The following PARD3B variants were observed in gnomAD, a reference collection of about 807,000 sequenced individuals.
The protein encoded by PARD3B is par-3 family cell polarity regulator beta.
A neutral mutation model predicts 130.2 loss-of-function variants in PARD3B; 103 were observed. That is an observed-to-expected ratio of 0.79 (90% CI 0.67 to 0.93). The LOEUF is 0.93. Among genes scored for constraint, PARD3B ranks in the 40% least tolerant of loss-of-function variants. The pLI, the probability that PARD3B is intolerant of heterozygous loss-of-function variation, is 0.00. For synonymous variants in PARD3B, 583 were observed against 553.2 expected (o/e 1.05, Z -0.76); for missense variants, 1,609 against 1,499.2 (o/e 1.07, Z -1.21).
At chr2:205,226,431 G>A (rs570068294) in intron 15 of PARD3B, among the ~76,000 whole-genome samples, 77 of 152,302 alleles carry the variant, frequency 5.1e-4, no homozygotes, top group Middle Eastern at 3.4e-3. Context: ...AATCGTTGCC[G>A]AGTCTAATGT....
intron 1 of PARD3B, among the ~76,000 whole-genome samples, chr2:204,615,114 T>A (rs2034063521): frequency 6.6e-6 from 1 of 152,200 alleles, no homozygotes; most frequent in Non-Finnish European, 1.5e-5. Flanking sequence ...AATCTTTTTT[T>A]AATATGTTAT....
intron 3 of PARD3B, among the ~76,000 whole-genome samples, chr2:205,007,953 T>C (rs1248781374): frequency 6.6e-6 from 1 of 152,160 alleles, no homozygotes; most frequent in African/African-American, 2.4e-5. Context: ...TTTGGAGCTG[T>C]TGCAAAAAAG....
chr2:204,774,077 A>G (rs574449296), intron 2 of PARD3B, among the ~76,000 whole-genome samples: 6 of 151,704 alleles, frequency 4.0e-5, no homozygotes, highest in East Asian at 1.9e-4. Flanking sequence ...CTGCATGCCA[A>G]TCTCTCACTG....
At chr2:205,357,058 T>G (rs2044221481) in intron 18 of PARD3B, among the ~76,000 whole-genome samples, 1 of 152,206 alleles carries the variant, frequency 6.6e-6, no homozygotes, top group Non-Finnish European at 1.5e-5. Flanking sequence ...TCCACTGTGG[T>G]GTTTTCTGTT....
chr2:205,508,962 AT>A (rs199907976), intron 21 of PARD3B, among the ~76,000 whole-genome samples: 856 of 140,886 alleles, frequency 6.1e-3, no homozygotes, highest in African/African-American at 9.8e-3. Flanking sequence ...AATAAACTGA[AT>A]TTTTTTTTTT....
At chr2:204,893,853 A>C (rs575332057) in intron 2 of PARD3B, among the ~76,000 whole-genome samples, 2 of 152,308 alleles carry the variant, frequency 1.3e-5, no homozygotes, top group African/African-American at 4.8e-5. Context: ...GCTGTTGTTG[A>C]AAGTAAAGCA....
chr2:205,479,287 A>G (rs186972497), intron 20 of PARD3B, among the ~76,000 whole-genome samples: 1 of 152,152 alleles, frequency 6.6e-6, no homozygotes, highest in East Asian at 1.9e-4. Context: ...TTCATTGCAC[A>G]CTTTCTTATT....
chr2:204,714,877 A>G (rs1251761528), intron 2 of PARD3B, among the ~76,000 whole-genome samples: 2 of 152,206 alleles, frequency 1.3e-5, no homozygotes, highest in Admixed American at 6.5e-5. Flanking sequence ...GTGAGGTGCT[A>G]TAATTTTCAT....
chr2:205,483,714 A>C (rs1335574312), intron 20 of PARD3B, among the ~76,000 whole-genome samples: 1 of 152,156 alleles, frequency 6.6e-6, no homozygotes, highest in Non-Finnish European at 1.5e-5. Flanking sequence ...AAGCTCTCTT[A>C]GATATACAAT....
At chr2:204,656,392 G>A (rs1184498783) in intron 1 of PARD3B, among the ~76,000 whole-genome samples, 2 of 152,024 alleles carry the variant, frequency 1.3e-5, no homozygotes, top group Non-Finnish European at 2.9e-5. Flanking sequence ...AAACAAACAT[G>A]TATGGGCAGT....
In PARD3B at chr2:204,875,232, T is replaced by G. The variant is rs141834689; in HGVS notation, c.223-89920T>G. On this transcript the variant is annotated intron_variant, in intron 2 of 22. Transcript: ENST00000406610. The stretch of plus-strand genomic sequence containing the variant: ...TTAATCACCTCAGAAACAAGCCTTT[T>G]ACTCATTGGCAGTCACTCTCCATTC... Among the ~76,000 whole-genome samples the G allele has an allele frequency of 3.8e-3, 586 of 152,338 alleles. 9 individuals carry two copies. Among genetic ancestry groups the G allele is most frequent in the East Asian group, 7.7e-3 (40 of 5,190 alleles).
intron 2 of PARD3B, among the ~76,000 whole-genome samples, chr2:204,937,617 CCTGA>C (rs1688566912): frequency 6.6e-6 from 1 of 152,154 alleles, no homozygotes; most frequent in Non-Finnish European, 1.5e-5. Context: ...ATTCTCACTT[CCTGA>C]CTATGTATTA....
At chr2:205,049,496 A>G (rs768690298) in intron 4 of PARD3B, among the ~76,000 whole-genome samples, 39 of 152,278 alleles carry the variant, frequency 2.6e-4, no homozygotes, top group Middle Eastern at 3.4e-3. Flanking sequence ...TTTGGTTTAC[A>G]ATTCAAGATG....
chr2:204,949,011 C>A (rs1689555772), intron 2 of PARD3B, among the ~76,000 whole-genome samples: 1 of 152,140 alleles, frequency 6.6e-6, no homozygotes, highest in African/African-American at 2.4e-5. Context: ...AATTTCCAGT[C>A]ATGAAACTTG....
At chr2:204,552,732 G>T (rs1051468816) in intron 1 of PARD3B, among the ~76,000 whole-genome samples, 1 of 152,250 alleles carries the variant, frequency 6.6e-6, no homozygotes, top group South Asian at 2.1e-4. Flanking sequence ...GCCAATTATC[G>T]CAGCACCATT....
intron 2 of PARD3B, among the ~76,000 whole-genome samples, chr2:204,804,517 AAGAT>A (rs766582514): frequency 2.7e-4 from 41 of 152,324 alleles, no homozygotes; most frequent in South Asian, 8.3e-4. Context: ...ACTGTAGTGA[AAGAT>A]AGAGACCCCA....
chr2:205,567,400 C>T (rs1449309308), intron 22 of PARD3B, among the ~76,000 whole-genome samples: 5 of 144,588 alleles, frequency 3.5e-5, no homozygotes, highest in South Asian at 2.2e-4. Flanking sequence ...CTGCAAGCTC[C>T]GCCTCCCAGG....
At chr2:205,521,210 G>A (rs2051035098) in intron 21 of PARD3B, among the ~76,000 whole-genome samples, 1 of 151,526 alleles carries the variant, frequency 6.6e-6, no homozygotes, top group South Asian at 2.1e-4. Context: ...CCAATTTGAT[G>A]GCAAATATCA....
Position 204,801,199 on chromosome 2 carries a change from C to T in PARD3B, c.222+114917C>T, listed in dbSNP as rs530720281. On this transcript the variant is annotated intron_variant, in intron 2 of 22. Coordinates refer to ENST00000406610, the MANE Select transcript of PARD3B (RefSeq NM_001302769.2). ...CTTAGGATTGTCTTGGCTATATGGG[C>T]TCTTTTTTGGTTCCATATGAAATTT... Among the ~76,000 whole-genome samples the T allele has an allele frequency of 3.9e-5, 6 of 152,236 alleles. No individual in the cohort carries two copies. The South Asian group carries it at 1.2e-3, about 32-fold the overall frequency.
Sources: gnomAD v4.1 joint callset for allele counts (sites outside exome capture counted in the v4.1 genomes callset) on GRCh38, gnomAD v4.1.1 for gene constraint, MANE v1.5 for transcripts, NCBI Gene and HGNC (gene_info 2026-07-23, HGNC 2026-07-21) for gene names.